CNTNAP2: variants seen among roughly 807,000 people sequenced by gnomAD.
The protein encoded by CNTNAP2 is contactin-associated protein-like 2.
In CNTNAP2, 98 loss-of-function variants were observed where a neutral mutation model predicts 155.2. The ratio of observed to expected loss-of-function variants is 0.63; its 90% CI spans 0.54 to 0.75. CNTNAP2 has a LOEUF of 0.75. Ranked by LOEUF, CNTNAP2 falls within the 30% of genes least tolerant of loss-of-function variation. CNTNAP2 has a pLI of 0.00. For synonymous variants in CNTNAP2, 651 were observed against 631.2 expected (o/e 1.03, Z -0.47); for missense variants, 1,727 against 1,688.1 (o/e 1.02, Z -0.40).
intron 8 of CNTNAP2, among the ~76,000 whole-genome samples, chr7:147,275,123 G>C (rs1448430890): frequency 6.6e-6 from 1 of 151,996 alleles, no homozygotes; most frequent in Non-Finnish European, 1.5e-5. Context: ...TTGTGCTTAG[G>C]ATTACTTTGG....
intron 10 of CNTNAP2, 121 bp from the exon 11 acceptor site, chr7:147,485,814 A>T: frequency 1.1e-6 from 1 of 877,236 alleles, no homozygotes; most frequent in Non-Finnish European, 1.9e-6. Context: ...AACAAGGATT[A>T]ATTGCCTTGG....
At chr7:147,565,280 A>G (rs1217741420) in intron 12 of CNTNAP2, among the ~76,000 whole-genome samples, 1 of 152,206 alleles carries the variant, frequency 6.6e-6, no homozygotes, top group African/African-American at 2.4e-5. Flanking sequence ...TAGTGAGCGT[A>G]AGAGAGTGAC....
At chr7:146,188,193 A>G (rs1798650207) in intron 1 of CNTNAP2, among the ~76,000 whole-genome samples, 1 of 152,176 alleles carries the variant, frequency 6.6e-6, no homozygotes, top group Non-Finnish European at 1.5e-5. Context: ...AAAATTCCAT[A>G]AGGAATCTGA....
At chr7:147,267,760 A>G (rs1452613114) in intron 8 of CNTNAP2, among the ~76,000 whole-genome samples, 1 of 152,216 alleles carries the variant, frequency 6.6e-6, no homozygotes, top group Non-Finnish European at 1.5e-5. Flanking sequence ...TAGTACTCTC[A>G]TAAAACTGAT....
chr7:146,195,800 C>T (rs973807680), intron 1 of CNTNAP2, among the ~76,000 whole-genome samples: 34 of 152,176 alleles, frequency 2.2e-4, no homozygotes, highest in African/African-American at 4.8e-4. Flanking sequence ...TTGCCTACAA[C>T]GCACGCCTCA....
At chr7:146,157,112 A>G in intron 1 of CNTNAP2, among the ~76,000 whole-genome samples, 1 of 152,316 alleles carries the variant, frequency 6.6e-6, no homozygotes, top group South Asian at 2.1e-4. Context: ...GGTTAAAATA[A>G]TCAAAAATAA....
intron 10 of CNTNAP2, among the ~76,000 whole-genome samples, chr7:147,468,316 A>G (rs775416202): frequency 6.6e-6 from 1 of 152,158 alleles, no homozygotes; most frequent in Non-Finnish European, 1.5e-5. Flanking sequence ...TTACAAATTT[A>G]TGGTGTTTTC....
intron 8 of CNTNAP2, among the ~76,000 whole-genome samples, chr7:147,294,885 C>A (rs935192775): frequency 1.3e-5 from 2 of 152,094 alleles, no homozygotes; most frequent in African/African-American, 4.8e-5. Context: ...GTCTCAAACT[C>A]CTGACCTCAG....
chr7:148,295,844 G>GA (rs111998178), intron 21 of CNTNAP2, among the ~76,000 whole-genome samples: 2 of 151,580 alleles, frequency 1.3e-5, no homozygotes, highest in Non-Finnish European at 2.9e-5. Context: ...GAAAGGAATA[G>GA]AAAAAAAAGC....
At chr7:146,947,439 C>T (rs113456076) in intron 3 of CNTNAP2, among the ~76,000 whole-genome samples, 3 of 139,664 alleles carry the variant, frequency 2.1e-5, no homozygotes, top group African/African-American at 2.7e-5. Context: ...TACATACACA[C>T]ACACACACAT....
rs114024372 is a variant in CNTNAP2, at chr7:147,748,540, C to T, written c.2098+109234C>T. On this transcript the variant is annotated intron_variant, in intron 13 of 23. Transcript: ENST00000361727. ...AAATTAAGAAGTCTTTAGACTGGCA[C>T]TAGTTTCAGGCACGAGTATATCCAA... Among the ~76,000 whole-genome samples the T allele has an allele frequency of 1.1e-3, 162 of 152,286 alleles. 1 individual carries two copies. The highest frequency in any genetic ancestry group is 3.6e-3 in the African/African-American group (150 of 41,542).
chr7:146,814,275 T>C (rs1803121909), intron 2 of CNTNAP2, among the ~76,000 whole-genome samples: 1 of 152,174 alleles, frequency 6.6e-6, no homozygotes, highest in South Asian at 2.1e-4. Context: ...TTCTTGGAGG[T>C]AGCCCCTTTG....
chr7:147,564,130 A>T (rs1444022548), intron 12 of CNTNAP2, among the ~76,000 whole-genome samples: 1 of 152,158 alleles, frequency 6.6e-6, no homozygotes, highest in Non-Finnish European at 1.5e-5. Context: ...TGATCACACT[A>T]CTGCACTCCA....
intron 13 of CNTNAP2, among the ~76,000 whole-genome samples, chr7:147,774,902 G>A (rs75257950): frequency 0.013 from 2,018 of 152,102 alleles, 102 homozygotes; most frequent in Admixed American, 0.09. Flanking sequence ...AAGTTAAGTG[G>A]CTTTCTAAAG....
chr7:146,143,365 A>G (rs1202160349), intron 1 of CNTNAP2, among the ~76,000 whole-genome samples: 3 of 152,214 alleles, frequency 2.0e-5, no homozygotes, highest in Non-Finnish European at 4.4e-5. Context: ...GCCTAAAATT[A>G]GATGTTAAGT....
intron 11 of CNTNAP2, among the ~76,000 whole-genome samples, chr7:147,499,350 G>A (rs962976239): frequency 3.3e-5 from 5 of 152,038 alleles, no homozygotes; most frequent in African/African-American, 1.2e-4. Flanking sequence ...AACACATGGT[G>A]AAACCCCGTC....
At chr7:147,544,605 C>T (rs901555852) in intron 11 of CNTNAP2, among the ~76,000 whole-genome samples, 130 of 151,892 alleles carry the variant, frequency 8.6e-4, no homozygotes, top group African/African-American at 3.0e-3. Flanking sequence ...GAAACTTGTG[C>T]CTGTGTTGTC....
chr7:148,123,970 G>A (rs1804660012), intron 16 of CNTNAP2, among the ~76,000 whole-genome samples: 1 of 152,198 alleles, frequency 6.6e-6, no homozygotes, highest in South Asian at 2.1e-4. Flanking sequence ...ACTAGGGTGA[G>A]TGGAAGTGGA....
chr7:146,187,292 C>G (rs568435033), intron 1 of CNTNAP2, among the ~76,000 whole-genome samples: 2 of 152,224 alleles, frequency 1.3e-5, no homozygotes, highest in Middle Eastern at 3.4e-3. Context: ...GAAGATGGGT[C>G]ACAGCAGAGG....
Sources: allele counts gnomAD v4.1 joint callset (sites outside exome capture counted in the v4.1 genomes callset), GRCh38; gene constraint gnomAD v4.1.1; transcripts MANE v1.5; gene names NCBI Gene and HGNC (gene_info 2026-07-23, HGNC 2026-07-21).